ELP4: variants seen among roughly 807,000 people sequenced by gnomAD.
ELP4 encodes elongator complex protein 4.
In ELP4, 51 loss-of-function variants were observed where a neutral mutation model predicts 48.9. That is an observed-to-expected ratio of 1.04 (90% confidence interval 0.83 to 1.32). The LOEUF (loss-of-function observed/expected upper bound fraction) is 1.32. ELP4 is among the 40% of genes most tolerant of loss of function. The pLI is 0.00. For synonymous variants in ELP4, 210 were observed against 189.2 expected (o/e 1.11, Z -0.90); for missense variants, 519 against 514.6 (o/e 1.01, Z -0.08).
chr11:31,531,272 T>C (rs1207367274), intron 2 of ELP4, among the ~76,000 whole-genome samples: 3 of 152,206 alleles, frequency 2.0e-5, no homozygotes, highest in African/African-American at 7.2e-5. Flanking sequence ...ACAAGATCGA[T>C]TTTTGTTTGT....
chr11:31,617,712 C>G (rs1944521847), intron 5 of ELP4, among the ~76,000 whole-genome samples: 1 of 118,954 alleles, frequency 8.4e-6, no homozygotes, highest in Non-Finnish European at 1.8e-5. Context: ...TAAAGATATT[C>G]CAAGCCAAAA....
At chr11:31,727,845 A>G (rs982582677) in intron 9 of ELP4, 5 of 152,240 alleles carry the variant, frequency 3.3e-5, no homozygotes, top group Non-Finnish European at 5.9e-5. Context: ...TCTTTGTAGC[A>G]CAAACACTGC....
At chr11:31,716,978 T>C (rs1273481207) in intron 9 of ELP4, among the ~76,000 whole-genome samples, 1 of 152,126 alleles carries the variant, frequency 6.6e-6, no homozygotes, top group Non-Finnish European at 1.5e-5. Context: ...TATTGACCAG[T>C]GAGAAGATAA....
At chr11:31,541,150 CTGTGAACAAATGCCAACAAACT>C (rs1956584406) in intron 3 of ELP4, among the ~76,000 whole-genome samples, 1 of 152,094 alleles carries the variant, frequency 6.6e-6, no homozygotes, top group Non-Finnish European at 1.5e-5. Context: ...TTCATAATAC[CTGTGAACAAATGCCAACAAACT>C]TCTTTGCCTT....
chr11:31,523,712 A>G (rs1046222826), intron 2 of ELP4, among the ~76,000 whole-genome samples: 3 of 151,568 alleles, frequency 2.0e-5, no homozygotes, highest in Non-Finnish European at 4.4e-5. Flanking sequence ...TTGTCAATTA[A>G]TAAAATCAAA....
chr11:31,621,721 G>C (rs1386718167), intron 5 of ELP4, among the ~76,000 whole-genome samples: 1 of 151,844 alleles, frequency 6.6e-6, no homozygotes, highest in Non-Finnish European at 1.5e-5. Context: ...GCCTCCATCA[G>C]TGCAACTAAA....
intron 9 of ELP4, among the ~76,000 whole-genome samples, chr11:31,759,361 A>T (rs1256586658): frequency 1.3e-5 from 2 of 152,212 alleles, no homozygotes; most frequent in East Asian, 1.9e-4. Context: ...GCTTAAAAAT[A>T]ATTGATTTTA....
intron 9 of ELP4, among the ~76,000 whole-genome samples, chr11:31,744,905 G>T (rs1246428052): frequency 2.0e-5 from 3 of 152,192 alleles, no homozygotes; most frequent in Non-Finnish European, 4.4e-5. Flanking sequence ...TCAGGCAGGG[G>T]AAGGAAATAA....
intron 9 of ELP4, among the ~76,000 whole-genome samples, chr11:31,742,779 C>T (rs1017025310): frequency 2.6e-5 from 4 of 152,096 alleles, no homozygotes; most frequent in African/African-American, 4.8e-5. Flanking sequence ...TCAACCAGTA[C>T]GAGCCACTGC....
chr11:31,749,742 A>G (rs1417660302), intron 9 of ELP4, among the ~76,000 whole-genome samples: 1 of 152,248 alleles, frequency 6.6e-6, no homozygotes, highest in African/African-American at 2.4e-5. Flanking sequence ...ATAGATAGTA[A>G]TTCCTGTAAC....
intron 3 of ELP4, among the ~76,000 whole-genome samples, chr11:31,570,447 C>T (rs1957175704): frequency 6.6e-6 from 1 of 151,348 alleles, no homozygotes; most frequent in African/African-American, 2.4e-5. Flanking sequence ...ACTTCAGACC[C>T]CAGCATCATG....
chr11:31,512,810 G>A (rs894831928), intron 1 of ELP4, among the ~76,000 whole-genome samples: 2 of 36,694 alleles, frequency 5.5e-5, no homozygotes, highest in African/African-American at 1.1e-4. Context: ...CCCCCGCCCC[G>A]CCCACCCAAC....
chr11:31,753,627 C>T (rs1027177948), intron 9 of ELP4, among the ~76,000 whole-genome samples: 2 of 152,068 alleles, frequency 1.3e-5, no homozygotes, highest in African/African-American at 4.8e-5. Context: ...GGAAATTCCA[C>T]TTGTGGATAT....
At chr11:31,562,058 A>G (rs1177060129) in intron 3 of ELP4, among the ~76,000 whole-genome samples, 1 of 152,174 alleles carries the variant, frequency 6.6e-6, no homozygotes, top group East Asian at 1.9e-4. Context: ...TATTTATGTT[A>G]TGAGTAGACA....
chr11:31,758,485 A>G (rs1947877450), intron 9 of ELP4, among the ~76,000 whole-genome samples: 1 of 152,202 alleles, frequency 6.6e-6, no homozygotes, highest in Non-Finnish European at 1.5e-5. Context: ...TTTCAACTGG[A>G]CTAGACTATT....
intron 6 of ELP4, among the ~76,000 whole-genome samples, chr11:31,631,134 G>A (rs1199725680): frequency 6.6e-6 from 1 of 151,790 alleles, no homozygotes; most frequent in East Asian, 1.9e-4. Context: ...TCCTTTCCAT[G>A]GTCAATAAAT....
intron 3 of ELP4, among the ~76,000 whole-genome samples, chr11:31,573,923 C>A (rs914291487): frequency 9.9e-5 from 15 of 151,996 alleles, no homozygotes; most frequent in African/African-American, 3.6e-4. Flanking sequence ...CAAATACCAT[C>A]TCATTAGGGG....
chr11:31,578,882 A>G (rs1333355901), intron 3 of ELP4, among the ~76,000 whole-genome samples: 1 of 152,252 alleles, frequency 6.6e-6, no homozygotes, highest in Non-Finnish European at 1.5e-5. Flanking sequence ...GGCATGGGCA[A>G]GGACTTCATG....
At chr11:31,576,434 G>A (rs12279504) in intron 3 of ELP4, among the ~76,000 whole-genome samples, 2,360 of 152,152 alleles carry the variant, frequency 0.016, 53 homozygotes, top group African/African-American at 0.054. Flanking sequence ...CTCTGCACCA[G>A]GCAGACCTAA....
Sources: gnomAD v4.1 joint callset for allele counts (sites outside exome capture counted in the v4.1 genomes callset) on GRCh38, gnomAD v4.1.1 for gene constraint, MANE v1.5 for transcripts, NCBI Gene and HGNC (gene_info 2026-07-23, HGNC 2026-07-21) for gene names.